Variants in FBXL17 observed in about 807,000 individuals in gnomAD.
FBXL17 encodes the protein F-box and leucine rich repeat protein 17.
A neutral mutation model predicts 66.2 loss-of-function variants in FBXL17; 22 were observed. The ratio of observed to expected loss-of-function variants is 0.33; its 90% CI spans 0.24 to 0.47. The LOEUF is 0.47. Ranked by LOEUF, FBXL17 falls within the 20% of genes least tolerant of loss-of-function variation. The probability of loss-of-function intolerance (pLI) is 1.00; values close to 1 mark genes in which losing one functional copy is unlikely to be tolerated. For synonymous variants in FBXL17, 474 were observed against 400.5 expected (o/e 1.18, Z -2.19); for missense variants, 878 against 948.2 (o/e 0.93, Z 0.97).
At chr5:108,011,610 C>T (rs1319531748) in intron 7 of FBXL17, among the ~76,000 whole-genome samples, 1 of 151,892 alleles carries the variant, frequency 6.6e-6, no homozygotes, top group Non-Finnish European at 1.5e-5. Flanking sequence ...TCGAGACCAG[C>T]CTGGCCAACA....
intron 5 of FBXL17, among the ~76,000 whole-genome samples, chr5:108,206,008 C>T (rs1754101677): frequency 6.6e-6 from 1 of 152,140 alleles, no homozygotes; most frequent in Non-Finnish European, 1.5e-5. Flanking sequence ...TTTCTTCATG[C>T]TAAGATTGAT....
intron 7 of FBXL17, among the ~76,000 whole-genome samples, chr5:107,929,732 G>A (rs1310658657): frequency 6.6e-6 from 1 of 151,390 alleles, no homozygotes; most frequent in Non-Finnish European, 1.5e-5. Context: ...ATCAAAGACA[G>A]AAAGCCTGTA....
chr5:108,003,715 T>G (rs1351616658), intron 7 of FBXL17, among the ~76,000 whole-genome samples: 1 of 152,092 alleles, frequency 6.6e-6, no homozygotes, highest in Non-Finnish European at 1.5e-5. Context: ...ATCCAACAGA[T>G]AGCTTACAGA....
At chr5:108,155,771 A>G (rs1751971921) in intron 6 of FBXL17, among the ~76,000 whole-genome samples, 1 of 152,196 alleles carries the variant, frequency 6.6e-6, no homozygotes, top group Admixed American at 6.5e-5. Context: ...GTCCTAGAAT[A>G]AATTATGATT....
chr5:108,120,377 A>G (rs180874427), intron 6 of FBXL17, among the ~76,000 whole-genome samples: 1 of 152,368 alleles, frequency 6.6e-6, no homozygotes, highest in African/African-American at 2.4e-5. Context: ...GATATTTCAT[A>G]GAAAACAATA....
intron 6 of FBXL17, among the ~76,000 whole-genome samples, chr5:108,044,313 G>C (rs1341293843): frequency 6.6e-6 from 1 of 152,070 alleles, no homozygotes; most frequent in Non-Finnish European, 1.5e-5. Flanking sequence ...GTCAGTGGCA[G>C]TATTTTTTTG....
intron 4 of FBXL17, among the ~76,000 whole-genome samples, chr5:108,279,178 C>T (rs747998112): frequency 4.6e-5 from 7 of 152,128 alleles, no homozygotes; most frequent in Admixed American, 6.5e-5. Context: ...TCGTGAGCTG[C>T]TTCACCTGGC....
chr5:108,246,165 T>C (rs1756086047), intron 4 of FBXL17, among the ~76,000 whole-genome samples: 2 of 151,694 alleles, frequency 1.3e-5, no homozygotes, highest in Non-Finnish European at 2.9e-5. Context: ...CACAAATCTC[T>C]CCCCCCTCCT....
At chr5:108,236,127 C>T (rs1260860582) in intron 4 of FBXL17, among the ~76,000 whole-genome samples, 1 of 152,174 alleles carries the variant, frequency 6.6e-6, no homozygotes, top group African/African-American at 2.4e-5. Flanking sequence ...AGTAGAATCA[C>T]TTGAGCCCAG....
intron 7 of FBXL17, among the ~76,000 whole-genome samples, chr5:107,910,825 G>T (rs1749926216): frequency 6.6e-6 from 1 of 151,926 alleles, no homozygotes; most frequent in African/African-American, 2.4e-5. Context: ...AAGTTATATA[G>T]GAATAAACCT....
chr5:107,974,565 C>T (rs544768283), intron 7 of FBXL17, among the ~76,000 whole-genome samples: 8 of 152,262 alleles, frequency 5.3e-5, no homozygotes, highest in African/African-American at 1.9e-4. Context: ...AAATAACACA[C>T]CTAGAGACAA....
intron 6 of FBXL17, among the ~76,000 whole-genome samples, chr5:108,120,887 G>C (rs181667180): frequency 6.6e-6 from 1 of 152,230 alleles, no homozygotes; most frequent in East Asian, 1.9e-4. Flanking sequence ...TTGAATGAAT[G>C]AATGCTTATC....
At position 108,381,850 on chromosome 5, in the gene FBXL17, G is replaced by C. The variant is rs1484099179; in HGVS notation, c.-159C>G. ...CACGGGCACACACGCGACGGTGGGGGGTGGGCGTCAGCTGCGGGCCGCCGG... is the reference window on the plus strand; with the variant it reads ...CACGGGCACACACGCGACGGTGGGGCGTGGGCGTCAGCTGCGGGCCGCCGG... On this transcript the variant is annotated 5_prime_UTR_variant, in exon 1 of 9. Transcript: ENST00000542267. The C allele has an allele frequency of 1.5e-6, 2 of 1,297,232 alleles. No homozygotes were observed. Among genetic ancestry groups the C allele is most frequent in the African/African-American group, 1.5e-5 (1 of 64,632 alleles). The allele number at this position is 1,297,232 out of a possible 1,614,324, so 80.4% of individuals were successfully genotyped here.
intron 4 of FBXL17, among the ~76,000 whole-genome samples, chr5:108,249,710 C>T (rs923817617): frequency 6.6e-6 from 1 of 152,096 alleles, no homozygotes; most frequent in Non-Finnish European, 1.5e-5. Context: ...AAACAAGATG[C>T]TCTAAGAAGC....
At chr5:107,928,275 CTT>C (rs1162101277) in intron 7 of FBXL17, among the ~76,000 whole-genome samples, 1 of 152,006 alleles carries the variant, frequency 6.6e-6, no homozygotes, top group Non-Finnish European at 1.5e-5. Flanking sequence ...AGAAAAAAGA[CTT>C]TGACTAGCTT....
chr5:108,201,943 G>C (rs1753915247), intron 5 of FBXL17, among the ~76,000 whole-genome samples: 1 of 150,704 alleles, frequency 6.6e-6, no homozygotes, highest in African/African-American at 2.4e-5. Context: ...AGATAAAATA[G>C]AGTTGATATC....
chr5:108,191,737 G>A (rs568389789), intron 5 of FBXL17, among the ~76,000 whole-genome samples: 1 of 152,252 alleles, frequency 6.6e-6, no homozygotes, highest in South Asian at 2.1e-4. Context: ...ACTAGATGAC[G>A]GATGACACTG....
rs1451083581 is a variant in FBXL17 at position 108,009,294 on chromosome 5, T to TAGATAGATAGATAGATAGATAG, written c.1822+11630_1822+11631insCTATCTATCTATCTATCTATCT. The stretch of plus-strand genomic sequence containing the variant: ...ATATATATATATATATATATATATA[T>TAGATAGATAGATAGATAGATAG]ATATATACATATATACATACACATA... On this transcript the variant is annotated intron_variant, in intron 7 of 8. Coordinates refer to ENST00000542267, the MANE Select transcript of FBXL17 (RefSeq NM_001163315.3). Among the ~76,000 whole-genome samples, 27 of 68,482 alleles carry TAGATAGATAGATAGATAGATAG rather than the reference T, an allele frequency of 3.9e-4. 3 individuals are homozygous for TAGATAGATAGATAGATAGATAG. The highest frequency in any genetic ancestry group is 1.4e-3 in the South Asian group (3 of 2,162). The allele number at this position is 68,482 out of a possible 152,430, so 44.9% of individuals were successfully genotyped here.
At chr5:108,185,177 C>CAT (rs1221255025) in intron 6 of FBXL17, among the ~76,000 whole-genome samples, 9 of 151,916 alleles carry the variant, frequency 5.9e-5, no homozygotes, top group African/African-American at 1.9e-4. Context: ...AAACAAATTA[C>CAT]ATATATATAT....
Sources: allele counts gnomAD v4.1 joint callset (sites outside exome capture counted in the v4.1 genomes callset), GRCh38; gene constraint gnomAD v4.1.1; transcripts MANE v1.5; gene names NCBI Gene and HGNC (gene_info 2026-07-23, HGNC 2026-07-21).